The following ZNF395 variants were observed in gnomAD, a reference collection of about 807,000 sequenced individuals.
The protein encoded by ZNF395 is zinc finger protein 395.
A neutral mutation model predicts 57.7 loss-of-function variants in ZNF395; 20 were observed. That is an observed-to-expected ratio of 0.35 (90% confidence interval 0.24 to 0.50). The LOEUF (loss-of-function observed/expected upper bound fraction) is 0.50, where lower values mean the gene tolerates loss of function less well. Among genes scored for constraint, ZNF395 ranks in the 20% least tolerant of loss-of-function variants. The probability of loss-of-function intolerance (pLI) is 0.97; values close to 1 mark genes in which losing one functional copy is unlikely to be tolerated. For synonymous variants in ZNF395, 295 were observed against 275.9 expected, an observed-to-expected ratio of 1.07 and a Z score of -0.69; for missense variants, 606 against 671.2, an observed-to-expected ratio of 0.90 and a Z score of 1.07.
Position 28,356,820 on chromosome 8 carries a change from A to C in ZNF395, c.474-41T>G, listed in dbSNP as rs748124351. On this transcript the variant is annotated intron_variant, in intron 3 of 9. Coordinates refer to ENST00000344423, the MANE Select transcript of ZNF395 (RefSeq NM_018660.3). This position sits in a 1 kb window ranked among gnomAD's most constrained non-coding sequence, Gnocchi z 4.0. ...TGAGTGGGAAATGTTACTTCCTGGC[A>C]TGGCGGGCCCATGGTCCTTGCAAAA... 6.5e-7 allele frequency: 1 copy of C among 1,535,452 alleles called. No individual in the cohort carries two copies. The highest frequency in any genetic ancestry group is 1.8e-5 in the Admixed American group (1 of 55,168).
At chr8:28,363,440 T>C (rs1170556016) in intron 1 of ZNF395, among the ~76,000 whole-genome samples, 1 of 152,112 alleles carries the variant, frequency 6.6e-6, no homozygotes, top group Non-Finnish European at 1.5e-5. Context: ...GGCCTTAAAC[T>C]GTTTTTTAAA....
At chr8:28,350,733 C>A (rs1049313103) in intron 7 of ZNF395, among the ~76,000 whole-genome samples, 5 of 152,256 alleles carry the variant, frequency 3.3e-5, no homozygotes, top group African/African-American at 1.2e-4. Flanking sequence ...AGCTTTCTCA[C>A]TGAAAGCAAT....
At chr8:28,383,451 C>A (rs1168951619) in intron 1 of ZNF395, among the ~76,000 whole-genome samples, 2 of 152,110 alleles carry the variant, frequency 1.3e-5, no homozygotes, top group Non-Finnish European at 2.9e-5. Flanking sequence ...AACCCTCCAC[C>A]CCAGAAAAGT....
chr8:28,377,882 C>T (rs953483107), intron 1 of ZNF395, among the ~76,000 whole-genome samples: 2 of 151,158 alleles, frequency 1.3e-5, no homozygotes, highest in South Asian at 2.1e-4. Context: ...CTCAGCCTCC[C>T]GAGTAGCTGG....
At chr8:28,376,477 G>A (rs1430177319) in intron 1 of ZNF395, among the ~76,000 whole-genome samples, 1 of 152,078 alleles carries the variant, frequency 6.6e-6, no homozygotes, top group Non-Finnish European at 1.5e-5. Context: ...AAAATTAGCT[G>A]GGCATGGTGG....
intron 1 of ZNF395, among the ~76,000 whole-genome samples, chr8:28,379,999 G>C (rs1802090235): frequency 6.6e-6 from 1 of 151,782 alleles, no homozygotes; most frequent in Non-Finnish European, 1.5e-5. Flanking sequence ...TTAACTTTTG[G>C]CAAAAACATT....
At chr8:28,382,318 T>G (rs187497943) in intron 1 of ZNF395, among the ~76,000 whole-genome samples, 2 of 152,154 alleles carry the variant, frequency 1.3e-5, no homozygotes, top group Non-Finnish European at 1.5e-5. Context: ...AACACATCCA[T>G]ATGCTTAAAA....
rs1403892934 is a variant in ZNF395 at position 28,348,133 on chromosome 8, G to A, written c.*586C>T. 3 of 152,132 alleles carry A rather than the reference G, an allele frequency of 2.0e-5. No individual in the cohort carries two copies. In the East Asian group the frequency reaches 5.8e-4, roughly 29 times the overall value. The allele number at this position is 152,132 out of a possible 1,614,324, so 9.4% of individuals were successfully genotyped here. On this transcript the variant is annotated 3_prime_UTR_variant, in exon 10 of 10. Coordinates refer to ENST00000344423, the MANE Select transcript of ZNF395 (RefSeq NM_018660.3). ...CAGATTTAAGTCGTCACCAAGAAAG[G>A]GATTTCCTTTGACTTCCATGCAGGA...
chr8:28,370,238 G>C (rs769094559), intron 1 of ZNF395, among the ~76,000 whole-genome samples: 8 of 152,124 alleles, frequency 5.3e-5, no homozygotes, highest in Non-Finnish European at 1.2e-4. Flanking sequence ...ACTGGAGGTT[G>C]AAGGAGACAC....
chr8:28,363,140 T>TG (rs1275722944), intron 1 of ZNF395, among the ~76,000 whole-genome samples: 9 of 151,904 alleles, frequency 5.9e-5, no homozygotes, highest in African/African-American at 9.7e-5. Context: ...GGTTTTTTTT[T>TG]TTGTTTTTTA....
Position 28,361,186 on chromosome 8 carries a change from G to T in ZNF395, c.-58-4C>A. On this transcript the variant is annotated splice_polypyrimidine_tract_variant and splice_region_variant and intron_variant, in intron 1 of 9. Coordinates refer to ENST00000344423, the MANE Select transcript of ZNF395 (RefSeq NM_018660.3). ...CACTGAAGCCTCTGCCCATCACCTG[G>T]GGGAATCAGGAAGCTTTCAGGAGGG... 1 of 1,602,924 alleles carries T rather than the reference G, an allele frequency of 6.2e-7. No homozygotes were observed.
rs552142076 is a variant in ZNF395 at position 28,353,402 on chromosome 8, C to T, written c.590G>A (p.Arg197His). Residue 197 changes from arginine to histidine, a missense_variant, in exon 5 of 10, where the codon CGT (arginine) becomes CAT (histidine). By Grantham distance (29) the Arg-to-His change is conservative (BLOSUM62 0). Coordinates refer to ENST00000344423, the MANE Select transcript of ZNF395 (RefSeq NM_018660.3). Reference sequence around the variant, plus strand: ...CTCCTTCCATGGGTCGCAGGCCGCACGGGAAGCTGGCCAGATGAAGAAAAG... The same window carrying T: ...CTCCTTCCATGGGTCGCAGGCCGCATGGGAAGCTGGCCAGATGAAGAAAAG... ...PGTEANFSAS[R>H]AACDPWKESG... 21 of 1,530,726 alleles carry T rather than the reference C, an allele frequency of 1.4e-5. No individual in the cohort carries two copies. The highest frequency in any genetic ancestry group is 1.8e-4 in the Middle Eastern group (1 of 5,630). 94.8% of individuals were successfully genotyped at this position (1,530,726 alleles called of 1,614,324 possible). A position where few individuals can be genotyped will look rare whatever the true frequency, so the allele number is the denominator to read the frequency against.
chr8:28,360,075 G>A (rs1443032031), intron 2 of ZNF395, among the ~76,000 whole-genome samples: 1 of 152,196 alleles, frequency 6.6e-6, no homozygotes, highest in East Asian at 1.9e-4. Flanking sequence ...GTCAGTTTCT[G>A]GGACTTTCTC....
intron 1 of ZNF395, among the ~76,000 whole-genome samples, chr8:28,378,648 T>C (rs562416389): frequency 1.5e-4 from 23 of 152,344 alleles, no homozygotes; most frequent in Non-Finnish European, 2.1e-4. Flanking sequence ...CTTGATGATA[T>C]TGACTCAAAT....
In ZNF395 at chr8:28,361,157, G is replaced by T; in HGVS notation, c.-33C>A. 6.2e-7 allele frequency: 1 copy of T among 1,608,256 alleles called. No individual in the cohort carries two copies. Among genetic ancestry groups the T allele is most frequent in the Non-Finnish European group, 8.5e-7 (1 of 1,180,000 alleles). ...CCTCTCCTCTCCTGCGGAGGCGAAG[G>T]GGACACTGAAGCCTCTGCCCATCAC... On this transcript the variant is annotated 5_prime_UTR_variant, in exon 2 of 10. Transcript: ENST00000344423.
At chr8:28,370,512 T>C (rs1187144150) in intron 1 of ZNF395, among the ~76,000 whole-genome samples, 1 of 152,174 alleles carries the variant, frequency 6.6e-6, no homozygotes, top group Non-Finnish European at 1.5e-5. Flanking sequence ...TTCACCCCAG[T>C]CCCAGCTTAG....
intron 1 of ZNF395, among the ~76,000 whole-genome samples, chr8:28,369,919 G>T (rs1330036616): frequency 6.6e-6 from 1 of 151,966 alleles, no homozygotes; most frequent in Non-Finnish European, 1.5e-5. Context: ...ATGAATTTGG[G>T]GCCTAAATGA....
At chr8:28,381,703 G>C (rs1368993101) in intron 1 of ZNF395, among the ~76,000 whole-genome samples, 1 of 152,082 alleles carries the variant, frequency 6.6e-6, no homozygotes, top group Non-Finnish European at 1.5e-5. Context: ...CCTGAGAATT[G>C]TACGTCATAT....
rs111833441 is a variant in ZNF395 at position 28,362,091 on chromosome 8, CA to C, written c.-58-910del. Among the ~76,000 whole-genome samples the C allele has an allele frequency of 4.2e-3, 527 of 124,770 alleles. 2 individuals are homozygous for C. Among genetic ancestry groups the C allele is most frequent in the African/African-American group, 6.4e-3 (229 of 35,602 alleles). The allele number at this position is 124,770 out of a possible 152,430, so 81.9% of individuals were successfully genotyped here. On this transcript the variant is annotated intron_variant, in intron 1 of 9. Transcript: ENST00000344423. Reference sequence around the variant, plus strand: ...TGGACAACACAACAAGACTCAGACTCAAAAAAAAAAAAAAGAAAGAAAAAAG... The same window carrying C: ...TGGACAACACAACAAGACTCAGACTCAAAAAAAAAAAAAGAAAGAAAAAAG...
Sources: gnomAD v4.1 joint callset for allele counts (sites outside exome capture counted in the v4.1 genomes callset) on GRCh38, gnomAD v4.1.1 for gene constraint, Gnocchi (gnomAD v3.1) non-coding constraint, MANE v1.5 for transcripts, NCBI Gene and HGNC (gene_info 2026-07-23, HGNC 2026-07-21) for gene names.